Variants in SETMAR observed in about 807,000 individuals in gnomAD.
SETMAR encodes histone-lysine N-methyltransferase SETMAR.
In SETMAR, 44 loss-of-function variants were observed where a neutral mutation model predicts 58.4. That is an observed-to-expected ratio of 0.75 (90% CI 0.59 to 0.97). SETMAR has a LOEUF of 0.97. Ranked by LOEUF, SETMAR falls within the 50% of genes least tolerant of loss-of-function variation. The pLI is 0.00. For synonymous variants in SETMAR, 332 were observed against 307.4 expected, an observed-to-expected ratio of 1.08 and a Z score of -0.84; for missense variants, 903 against 840.2, an observed-to-expected ratio of 1.07 and a Z score of -0.92.
intron 1 of SETMAR, among the ~76,000 whole-genome samples, chr3:4,305,094 G>C (rs1698135305): frequency 6.6e-6 from 1 of 151,918 alleles, no homozygotes. Flanking sequence ...TTAAGATAAA[G>C]GGTTTTTTTT....
Position 4,303,636 on chromosome 3 carries a change from T to C in SETMAR, c.156+110T>C, listed in dbSNP as rs139611296. Reference sequence around the variant, plus strand: ...CCAGTCGCGACCTTTTGTCTTCTCTTACAGCGCACCCGTTGGTGCGCGGGA... The same window carrying C: ...CCAGTCGCGACCTTTTGTCTTCTCTCACAGCGCACCCGTTGGTGCGCGGGA... On this transcript the variant is annotated intron_variant, in intron 1 of 2. Coordinates refer to ENST00000358065, the MANE Select transcript of SETMAR (RefSeq NM_006515.4). 2,081 of 1,419,002 alleles carry C rather than the reference T, an allele frequency of 1.5e-3. 36 individuals carry two copies. In the African/African-American group the frequency reaches 0.028, roughly 19 times the overall value. The allele number at this position is 1,419,002 out of a possible 1,614,324, so 87.9% of individuals were successfully genotyped here. A position where few individuals can be genotyped will look rare whatever the true frequency, so the allele number is the denominator to read the frequency against.
chr3:4,303,444 C>G lies in SETMAR; in HGVS notation c.74C>G (p.Thr25Ser). ...TTTAAGGAGAAGCCTGAGGCCCCGA[C>G]TGAGCAGCTGGATGTCGCGTGCGGC... ...AEFKEKPEAP[T>S]EQLDVACGQE... The change falls in exon 1 of 3, where the codon ACT (threonine) becomes AGT (serine). Residue 25 changes from threonine (T) to serine (S), a missense_variant. Physicochemically the swap from Thr to Ser is moderately conservative, Grantham distance 58. Coordinates refer to ENST00000358065, the MANE Select transcript of SETMAR (RefSeq NM_006515.4). The G allele has an allele frequency of 6.5e-7, 1 of 1,548,336 alleles. No homozygotes were observed. The highest frequency in any genetic ancestry group is 8.7e-7 in the Non-Finnish European group (1 of 1,152,872).
At chr3:4,305,874 G>A (rs1276745857) in intron 1 of SETMAR, among the ~76,000 whole-genome samples, 1 of 152,124 alleles carries the variant, frequency 6.6e-6, no homozygotes, top group Admixed American at 6.5e-5. Context: ...ACTACCTTTG[G>A]CAATTTATAG....
chr3:4,304,056 GA>G, intron 1 of SETMAR: 1 of 207,422 alleles, frequency 4.8e-6, no homozygotes, highest in South Asian at 9.2e-5. Flanking sequence ...GGAGTGCTTT[GA>G]AAATGGCAAG....
chr3:4,311,261 A>C (rs906879535), intron 1 of SETMAR, among the ~76,000 whole-genome samples: 5 of 152,138 alleles, frequency 3.3e-5, no homozygotes, highest in Non-Finnish European at 7.3e-5. Flanking sequence ...CGAGGCCTCC[A>C]CAGGGAGTAT....
At chr3:4,311,346 G>A (rs1021405641) in intron 1 of SETMAR, among the ~76,000 whole-genome samples, 2 of 152,198 alleles carry the variant, frequency 1.3e-5, no homozygotes, top group African/African-American at 4.8e-5. Flanking sequence ...ACTGGAAGAC[G>A]TGGTGCAAAC....
At chr3:4,306,873 A>G (rs1698210769) in intron 1 of SETMAR, among the ~76,000 whole-genome samples, 1 of 152,268 alleles carries the variant, frequency 6.6e-6, no homozygotes, top group African/African-American at 2.4e-5. Flanking sequence ...GGAAACAAGC[A>G]TATCATAATG....
Position 4,316,195 on chromosome 3 carries a change from GT to G in SETMAR, c.1021-14del, listed in dbSNP as rs1245388205. ...TTTTGCTAATGACATCTTACTTGCTGTTTATGTTTATTTTAGACTATGAAAA... is the reference window on the plus strand; with the variant it reads ...TTTTGCTAATGACATCTTACTTGCTGTTATGTTTATTTTAGACTATGAAAA... On this transcript the variant is annotated splice_polypyrimidine_tract_variant and intron_variant, in intron 2 of 2. Coordinates refer to ENST00000358065, the MANE Select transcript of SETMAR (RefSeq NM_006515.4). 3.0e-6 allele frequency: 2 copies of G among 673,626 alleles called. No individual in the cohort carries two copies. Among genetic ancestry groups the G allele is most frequent in the Non-Finnish European group, 2.7e-6 (1 of 371,768 alleles). The allele number at this position is 673,626 out of a possible 1,614,324, so 41.7% of individuals were successfully genotyped here. A position where few individuals can be genotyped will look rare whatever the true frequency, so the allele number is the denominator to read the frequency against.
At chr3:4,306,392 CT>C (rs60951412) in intron 1 of SETMAR, among the ~76,000 whole-genome samples, 1,743 of 152,166 alleles carry the variant, frequency 0.011, 38 homozygotes, top group African/African-American at 0.04. Context: ...ATAAATACGT[CT>C]ATTTTTAAAA....
intron 1 of SETMAR, 28 bp from the exon 2 acceptor site, chr3:4,312,870 T>C: frequency 6.4e-7 from 1 of 1,567,302 alleles, no homozygotes; most frequent in Non-Finnish European, 8.6e-7. Flanking sequence ...CATGCCGTGC[T>C]GACTTACAGT....
Position 4,312,930 on chromosome 3 carries a change from A to G in SETMAR, c.189A>G (p.Ala63=). The G allele has an allele frequency of 6.2e-7, 1 of 1,613,426 alleles. No homozygotes were observed. The highest frequency in any genetic ancestry group is 8.5e-7 in the Non-Finnish European group (1 of 1,179,558). Residue 63 remains alanine (A), a synonymous_variant, in exon 2 of 3, where the codon GCA becomes GCG. Transcript: ENST00000358065. ...YTPDHVVGPG[A]DIDPTQITFP... ...CTGATCATGTAGTTGGACCTGGAGC[A>G]GACATTGATCCCACTCAAATAACCT... is the stretch of plus-strand genomic sequence containing the variant.
Position 4,303,791 on chromosome 3 carries a change from T to C in SETMAR, c.156+265T>C, listed in dbSNP as rs80263780. 1,209 of 1,418,652 alleles carry C rather than the reference T, an allele frequency of 8.5e-4. 9 individuals are homozygous for C. In the African/African-American group the frequency reaches 0.016, roughly 19 times the overall value. 87.9% of individuals were successfully genotyped at this position (1,418,652 alleles called of 1,614,324 possible). Reference sequence around the variant, plus strand: ...GGCCTTGTGAGAACCTGGCTTTTTGTCCAGTCCTGTCCTCAGAACTCAAGG... The same window carrying C: ...GGCCTTGTGAGAACCTGGCTTTTTGCCCAGTCCTGTCCTCAGAACTCAAGG... On this transcript the variant is annotated intron_variant, in intron 1 of 2. Coordinates refer to ENST00000358065, the MANE Select transcript of SETMAR (RefSeq NM_006515.4).
Position 4,313,577 on chromosome 3 carries a change from A to C in SETMAR, c.836A>C (p.Asp279Ala). The change falls in exon 2 of 3, where the codon GAT (aspartate) becomes GCT (alanine). Residue 279 changes from aspartate (D) to alanine (A), a missense_variant. Coordinates refer to ENST00000358065, the MANE Select transcript of SETMAR (RefSeq NM_006515.4). The stretch of plus-strand genomic sequence containing the variant: ...GTCAGTGAAGACAAAGAAAGGCTAG[A>C]TCATGGGAAACTAAGGAAACCTTGT... ...LTVSEDKERL[D>A]HGKLRKPCYC... 1 of 1,614,104 alleles carries C rather than the reference A, an allele frequency of 6.2e-7. No individual in the cohort carries two copies. Among genetic ancestry groups the C allele is most frequent in the East Asian group, 2.2e-5 (1 of 44,880 alleles).
chr3:4,307,795 T>C (rs910559956), intron 1 of SETMAR, among the ~76,000 whole-genome samples: 3 of 152,146 alleles, frequency 2.0e-5, no homozygotes, highest in African/African-American at 7.2e-5. Context: ...CCAACCCTTT[T>C]GGAGGCCAAG....
intron 1 of SETMAR, among the ~76,000 whole-genome samples, chr3:4,307,271 G>A (rs986951293): frequency 6.6e-6 from 1 of 152,158 alleles, no homozygotes; most frequent in African/African-American, 2.4e-5. Flanking sequence ...CAAGTATCAA[G>A]AGCTGCAATC....
intron 1 of SETMAR, among the ~76,000 whole-genome samples, chr3:4,308,098 T>C (rs976477047): frequency 3.9e-5 from 6 of 152,188 alleles, no homozygotes; most frequent in Non-Finnish European, 7.3e-5. Context: ...TATGTGCATA[T>C]TGCAGACAGT....
intron 1 of SETMAR, among the ~76,000 whole-genome samples, chr3:4,305,139 G>C (rs1226255045): frequency 6.6e-6 from 1 of 152,114 alleles, no homozygotes; most frequent in Non-Finnish European, 1.5e-5. Flanking sequence ...CCAGGCTAGA[G>C]TGTGGTGGTG....
chr3:4,313,091 A>C lies in SETMAR; in HGVS notation c.350A>C (p.Glu117Ala), dbSNP rs1227874340. 6.2e-7 allele frequency: 1 copy of C among 1,613,864 alleles called. No individual in the cohort carries two copies. Among genetic ancestry groups the C allele is most frequent in the Non-Finnish European group, 8.5e-7 (1 of 1,179,960 alleles). ...GGAAAGTATGCAGAGCCTGTTTTTG[A>C]ATGCAATGTCCTGTGCCGATGCAGT... ...SGGKYAEPVF[E>A]CNVLCRCSDH... The change falls in exon 2 of 3, where the codon GAA (glutamate) becomes GCA (alanine). Residue 117 changes from glutamate to alanine, a missense_variant. Transcript: ENST00000358065.
chr3:4,307,796 G>A (rs1427370601), intron 1 of SETMAR, among the ~76,000 whole-genome samples: 2 of 152,096 alleles, frequency 1.3e-5, no homozygotes, highest in African/African-American at 4.8e-5. Context: ...CAACCCTTTT[G>A]GAGGCCAAGG....
Sources: gnomAD v4.1 joint callset for allele counts (sites outside exome capture counted in the v4.1 genomes callset) on GRCh38, gnomAD v4.1.1 for gene constraint, MANE v1.5 for transcripts, NCBI Gene and HGNC (gene_info 2026-07-23, HGNC 2026-07-21) for gene names.